Variants in CAPN13 observed in about 807,000 individuals in gnomAD.
CAPN13 encodes the protein calpain-13.
In CAPN13, 90 loss-of-function variants were observed where a neutral mutation model predicts 98.4. That is an observed-to-expected ratio of 0.92 (90% CI 0.77 to 1.09). The LOEUF is 1.09. CAPN13 is among the 50% of genes least tolerant of loss of function. CAPN13 has a pLI of 0.00. For synonymous variants in CAPN13, 330 were observed against 305.5 expected, an observed-to-expected ratio of 1.08 and a Z score of -0.84; for missense variants, 887 against 841.3, an observed-to-expected ratio of 1.05 and a Z score of -0.67.
chr2:30,771,275 T>C (rs1212243235), intron 4 of CAPN13, among the ~76,000 whole-genome samples: 6 of 152,208 alleles, frequency 3.9e-5, no homozygotes, highest in African/African-American at 1.4e-4. Flanking sequence ...GGCTTCCAGC[T>C]TCAGCCCTGA....
chr2:30,780,285 C>A (rs1029052764), intron 2 of CAPN13, among the ~76,000 whole-genome samples: 6 of 152,176 alleles, frequency 3.9e-5, no homozygotes, highest in African/African-American at 1.4e-4. Flanking sequence ...ATCCTGCCAC[C>A]ATTTAAGAAG....
chr2:30,758,028 G>A lies in CAPN13; in HGVS notation c.866+18C>T. On this transcript the variant is annotated intron_variant, in intron 8 of 22. Coordinates refer to ENST00000295055, the MANE Select transcript of CAPN13 (RefSeq NM_144575.3). ...AAGCGCTCTGTGAAGGATGGAGAGA[G>A]GTTTCCAGAAGCCATACCCATCACT... 2 of 1,585,138 alleles carry A rather than the reference G, an allele frequency of 1.3e-6. No homozygotes were observed. Among genetic ancestry groups the A allele is most frequent in the South Asian group, 1.2e-5 (1 of 86,180 alleles).
Position 30,777,476 on chromosome 2 carries a change from C to A in CAPN13, c.271+91G>T, listed in dbSNP as rs980443541. On this transcript the variant is annotated intron_variant, in intron 3 of 22. Coordinates refer to ENST00000295055, the MANE Select transcript of CAPN13 (RefSeq NM_144575.3). Reference sequence around the variant, plus strand: ...GGCAGCACCAAGGGAACTGGCCTTTCTCCCTCAGAAGTGGGGCAGGACTCT... The same window carrying A: ...GGCAGCACCAAGGGAACTGGCCTTTATCCCTCAGAAGTGGGGCAGGACTCT... 7 of 1,162,770 alleles carry A rather than the reference C, an allele frequency of 6.0e-6. No individual in the cohort carries two copies. The African/African-American group carries it at 1.1e-4, about 18-fold the overall frequency. The allele number at this position is 1,162,770 out of a possible 1,614,324, so 72.0% of individuals were successfully genotyped here. A position where few individuals can be genotyped will look rare whatever the true frequency, so the allele number is the denominator to read the frequency against.
intron 15 of CAPN13, chr2:30,741,589 AGGT>A (rs1156551940): frequency 1.8e-6 from 2 of 1,099,228 alleles, no homozygotes; most frequent in Non-Finnish European, 2.2e-6. Context: ...GGAGAAGGAA[AGGT>A]TTCACGGGGT....
Position 30,745,742 on chromosome 2 carries a change from A to G in CAPN13, c.1237-8T>C, listed in dbSNP as rs1242579979. 6.3e-7 allele frequency: 1 copy of G among 1,595,272 alleles called. No individual in the cohort carries two copies. On this transcript the variant is annotated splice_region_variant and splice_polypyrimidine_tract_variant and intron_variant, in intron 11 of 22. Transcript: ENST00000295055. ...CCATACCTGTGAGCCAGCCTGTTGG[A>G]AACAGGGAGAAAGGCAGATTTAGGA...
intron 1 of CAPN13, among the ~76,000 whole-genome samples, chr2:30,802,514 T>C (rs1343319842): frequency 7.9e-6 from 1 of 126,084 alleles, no homozygotes; most frequent in Non-Finnish European, 1.6e-5. Flanking sequence ...CGTGTCTAAG[T>C]GAGTGAGTGA....
At chr2:30,730,148 T>C (rs1020720247) in intron 22 of CAPN13, among the ~76,000 whole-genome samples, 2 of 152,132 alleles carry the variant, frequency 1.3e-5, no homozygotes, top group African/African-American at 4.8e-5. Flanking sequence ...AGAAGACTGA[T>C]GGGGCTTCTG....
intron 6 of CAPN13, 111 bp from the exon 7 acceptor site, chr2:30,763,267 G>A: frequency 1.1e-6 from 1 of 884,564 alleles, no homozygotes; most frequent in Non-Finnish European, 1.8e-6. Flanking sequence ...TGACTCACTT[G>A]GGACTGGTAT....
At chr2:30,784,458 T>C (rs549320768) in intron 2 of CAPN13, among the ~76,000 whole-genome samples, 1 of 152,338 alleles carries the variant, frequency 6.6e-6, no homozygotes, top group Admixed American at 6.5e-5. Flanking sequence ...AGTATTGTAC[T>C]CATTTAGTAC....
intron 5 of CAPN13, among the ~76,000 whole-genome samples, chr2:30,767,679 G>T (rs1249096209): frequency 1.3e-5 from 2 of 152,214 alleles, no homozygotes; most frequent in South Asian, 2.1e-4. Flanking sequence ...AAATGCTAAT[G>T]AGCAGCTGTT....
intron 1 of CAPN13, among the ~76,000 whole-genome samples, chr2:30,796,144 G>GTA (rs143244491): frequency 0.14 from 19,350 of 137,592 alleles, 1,372 homozygotes; most frequent in East Asian, 0.15. Context: ...ATATATGTGT[G>GTA]TATATATATA....
chr2:30,748,930 T>C (rs772353491), intron 11 of CAPN13, among the ~76,000 whole-genome samples: 27 of 152,082 alleles, frequency 1.8e-4, no homozygotes, highest in Non-Finnish European at 3.7e-4. Context: ...AGAGCCAGAA[T>C]CTTTGTGGTT....
At chr2:30,760,018 A>G (rs560956) in intron 7 of CAPN13, among the ~76,000 whole-genome samples, 63,788 of 152,046 alleles carry the variant, frequency 0.42, 13,545 homozygotes, top group African/African-American at 0.48. Flanking sequence ...AAGAGGCACG[A>G]ACCCAGGTTT....
rs1279341369 is a variant in CAPN13, at chr2:30,800,132, G to GA, written c.-33+7169dup. On this transcript the variant is annotated intron_variant, in intron 1 of 22. Transcript: ENST00000295055. ...AAAAGAAAGAAAAGAAAGAAAGAAA[G>GA]AAAGAAAGAAAGAAAGAAAGAAAGA... Among the ~76,000 whole-genome samples the GA allele has an allele frequency of 2.7e-3, 370 of 138,780 alleles. 3 individuals are homozygous for GA. The highest frequency in any genetic ancestry group is 0.01 in the African/African-American group (352 of 35,052). The allele number at this position is 138,780 out of a possible 152,430, so 91.0% of individuals were successfully genotyped here.
In CAPN13 at chr2:30,751,637, A is replaced by C. The variant is rs909810660; in HGVS notation, c.1088-386T>G. Among the ~76,000 whole-genome samples, 5 of 152,376 alleles carry C rather than the reference A, an allele frequency of 3.3e-5. No homozygotes were observed. In the South Asian group the frequency reaches 1.0e-3, roughly 32 times the overall value. On this transcript the variant is annotated intron_variant, in intron 10 of 22. Transcript: ENST00000295055. ...CACAACTAGAGACAGGAAAACAGGCAGTGAGATGGCAATTACAGTACTCTT... is the reference window on the plus strand; with the variant it reads ...CACAACTAGAGACAGGAAAACAGGCCGTGAGATGGCAATTACAGTACTCTT...
intron 1 of CAPN13, among the ~76,000 whole-genome samples, chr2:30,796,084 C>A (rs1409215771): frequency 2.0e-5 from 3 of 149,940 alleles, no homozygotes; most frequent in Non-Finnish European, 4.4e-5. Context: ...CTCCCTTTTC[C>A]TTTCTTCCCC....
At position 30,758,034 on chromosome 2, in the gene CAPN13, C is replaced by T. The variant is rs1282199327; in HGVS notation, c.866+12G>A. On this transcript the variant is annotated intron_variant, in intron 8 of 22. Transcript: ENST00000295055. ...TCTGTGAAGGATGGAGAGAGGTTTC[C>T]AGAAGCCATACCCATCACTCCAGCG... The T allele has an allele frequency of 1.9e-6, 3 of 1,593,202 alleles. No individual in the cohort carries two copies. Among genetic ancestry groups the T allele is most frequent in the South Asian group, 2.3e-5 (2 of 87,038 alleles).
chr2:30,736,378 T>C, intron 18 of CAPN13, 125 bp downstream of exon 18: 1 of 920,282 alleles, frequency 1.1e-6, no homozygotes, highest in East Asian at 2.5e-5. Context: ...TGAGCTCTCC[T>C]TGAGGGCAGG....
intron 2 of CAPN13, among the ~76,000 whole-genome samples, chr2:30,784,775 C>A (rs1342487753): frequency 6.6e-6 from 1 of 152,202 alleles, no homozygotes; most frequent in South Asian, 2.1e-4. Flanking sequence ...GGTCCCCCTA[C>A]TCTCTGATTC....
Sources: allele counts gnomAD v4.1 joint callset (sites outside exome capture counted in the v4.1 genomes callset), GRCh38; gene constraint gnomAD v4.1.1; transcripts MANE v1.5; gene names NCBI Gene and HGNC (gene_info 2026-07-23, HGNC 2026-07-21).